FOXN3: variants seen among roughly 807,000 people sequenced by gnomAD.
The protein encoded by FOXN3 is forkhead box protein N3.
Under a neutral mutation model 38.4 loss-of-function variants are expected in FOXN3, and 7 were observed. The ratio of observed to expected loss-of-function variants is 0.18; its 90% CI spans 0.10 to 0.34. The LOEUF (loss-of-function observed/expected upper bound fraction) is 0.34. FOXN3 is among the 10% of genes least tolerant of loss of function. The pLI is 1.00. For missense variants in FOXN3, 456 were observed against 613.4 expected, an observed-to-expected ratio of 0.74 and a Z score of 2.71; for synonymous variants, 230 against 242.2, an observed-to-expected ratio of 0.95 and a Z score of 0.47.
chr14:89,373,218 T>G (rs1409341399), intron 2 of FOXN3, among the ~76,000 whole-genome samples: 4 of 152,138 alleles, frequency 2.6e-5, no homozygotes, highest in African/African-American at 9.7e-5. Context: ...CAATATATTT[T>G]TAAAGACACT....
At chr14:89,373,503 G>GT (rs1473732175) in intron 2 of FOXN3, among the ~76,000 whole-genome samples, 1 of 152,086 alleles carries the variant, frequency 6.6e-6, no homozygotes, top group Non-Finnish European at 1.5e-5. Flanking sequence ...TGAGATCCAG[G>GT]TAACAGCAGC....
At chr14:89,540,370 C>T (rs886496380) in intron 1 of FOXN3, among the ~76,000 whole-genome samples, 2 of 152,170 alleles carry the variant, frequency 1.3e-5, no homozygotes, top group African/African-American at 2.4e-5. Flanking sequence ...CAAATCCTTA[C>T]ACTAGAGTTT....
intron 1 of FOXN3, among the ~76,000 whole-genome samples, chr14:89,588,724 T>C (rs1895896320): frequency 6.6e-6 from 1 of 152,196 alleles, no homozygotes; most frequent in African/African-American, 2.4e-5. Context: ...TAGTTAAGTA[T>C]GAAGATATGT....
At chr14:89,550,247 C>T (rs1048431911) in intron 1 of FOXN3, among the ~76,000 whole-genome samples, 2 of 152,156 alleles carry the variant, frequency 1.3e-5, no homozygotes, top group Admixed American at 6.5e-5. Context: ...TGAATCCTTA[C>T]GTGGACCCCA....
intron 1 of FOXN3, among the ~76,000 whole-genome samples, chr14:89,436,088 G>A (rs1892270459): frequency 1.3e-5 from 2 of 150,588 alleles, no homozygotes; most frequent in South Asian, 4.2e-4. Context: ...CGATCCTCCT[G>A]CCTCGGCCTC....
At chr14:89,419,334 G>A (rs1293134652), upstream of FOXN3, 1 of 387,528 alleles carries the variant, frequency 2.6e-6, no homozygotes, top group East Asian at 7.4e-5. Context: ...TAATTCCATA[G>A]AACCTCAGCT....
intron 2 of FOXN3, among the ~76,000 whole-genome samples, chr14:89,363,142 T>C (rs1009249768): frequency 6.6e-6 from 1 of 152,172 alleles, no homozygotes; most frequent in African/African-American, 2.4e-5. Flanking sequence ...TGCACACACA[T>C]GTGCACCAGC....
At chr14:89,350,151 A>G (rs1888911524) in intron 3 of FOXN3, 1 of 152,202 alleles carries the variant, frequency 6.6e-6, no homozygotes, top group Non-Finnish European at 1.5e-5. Flanking sequence ...TGTGAGGAGG[A>G]TAAAATGTCT....
chr14:89,589,712 C>G (rs888803703), intron 1 of FOXN3, among the ~76,000 whole-genome samples: 2 of 104,914 alleles, frequency 1.9e-5, no homozygotes, highest in Non-Finnish European at 3.4e-5. Context: ...TAAAATCAGC[C>G]ATGAGAATGA....
At chr14:89,592,404 G>A (rs2139927776) in intron 1 of FOXN3, among the ~76,000 whole-genome samples, 1 of 152,230 alleles carries the variant, frequency 6.6e-6, no homozygotes, top group South Asian at 2.1e-4. Context: ...TAAATGTACA[G>A]CAGAATGACT....
intron 1 of FOXN3, among the ~76,000 whole-genome samples, chr14:89,596,134 A>AT (rs1896051146): frequency 6.6e-6 from 1 of 152,094 alleles, no homozygotes; most frequent in Non-Finnish European, 1.5e-5. Context: ...ATTGAGACAG[A>AT]TATTTTATTG....
At chr14:89,410,905 AAAAG>A (rs1212498698) in intron 2 of FOXN3, among the ~76,000 whole-genome samples, 1 of 152,134 alleles carries the variant, frequency 6.6e-6, no homozygotes, top group African/African-American at 2.4e-5. Context: ...GAAAAAAGAA[AAAAG>A]AAAGAAAAAG....
At chr14:89,579,773 T>A (rs1895708368) in intron 1 of FOXN3, among the ~76,000 whole-genome samples, 2 of 152,118 alleles carry the variant, frequency 1.3e-5, no homozygotes, top group South Asian at 4.1e-4. Flanking sequence ...TCTTTGTCAT[T>A]TTTTTTACCC....
At chr14:89,203,540 T>C (rs950380574) in intron 4 of FOXN3, among the ~76,000 whole-genome samples, 29 of 152,178 alleles carry the variant, frequency 1.9e-4, no homozygotes, top group Non-Finnish European at 1.9e-4. Flanking sequence ...AAGGAGGGCA[T>C]GGAGGGCAGA....
At chr14:89,497,068 C>A (rs972420390) in intron 1 of FOXN3, among the ~76,000 whole-genome samples, 2 of 152,160 alleles carry the variant, frequency 1.3e-5, no homozygotes, top group Non-Finnish European at 2.9e-5. Flanking sequence ...GATTCTCCTG[C>A]CTCAGTCTCC....
chr14:89,479,321 C>T (rs1439269623), intron 1 of FOXN3, among the ~76,000 whole-genome samples: 2 of 152,154 alleles, frequency 1.3e-5, no homozygotes, highest in African/African-American at 2.4e-5. Context: ...CTCTCGGGAG[C>T]CCTAACTTCA....
intron 1 of FOXN3, among the ~76,000 whole-genome samples, chr14:89,478,661 G>A (rs1893259722): frequency 6.6e-6 from 1 of 152,062 alleles, no homozygotes; most frequent in Non-Finnish European, 1.5e-5. Context: ...ACTGAGCACA[G>A]TGGCTCACGT....
intron 2 of FOXN3, among the ~76,000 whole-genome samples, chr14:89,394,313 C>T (rs1891047750): frequency 6.7e-6 from 1 of 148,952 alleles, no homozygotes; most frequent in Non-Finnish European, 1.5e-5. Flanking sequence ...AAGCAATTCT[C>T]CTGCCTCAGC....
intron 3 of FOXN3, among the ~76,000 whole-genome samples, chr14:89,347,134 A>G (rs1302298334): frequency 6.6e-6 from 1 of 152,108 alleles, no homozygotes; most frequent in East Asian, 1.9e-4. Context: ...AAATTCCTAC[A>G]TTGAAGATCT....
Sources: gnomAD v4.1 joint callset for allele counts (sites outside exome capture counted in the v4.1 genomes callset) on GRCh38, gnomAD v4.1.1 for gene constraint, MANE v1.5 for transcripts, NCBI Gene and HGNC (gene_info 2026-07-23, HGNC 2026-07-21) for gene names.